RNF8: variants seen among roughly 807,000 people sequenced by gnomAD.
RNF8 encodes the protein E3 ubiquitin-protein ligase RNF8.
In RNF8, 8 loss-of-function variants were observed where a neutral mutation model predicts 59.3. The observed-to-expected ratio is 0.13, with a 90% CI of 0.08 to 0.24. The LOEUF (loss-of-function observed/expected upper bound fraction) is 0.24, where lower values mean the gene tolerates loss of function less well. RNF8 is among the 10% of genes least tolerant of loss of function. RNF8 has a pLI of 1.00. For missense variants in RNF8, 406 were observed against 572.6 expected (o/e 0.71, Z 2.97); for synonymous variants, 162 against 200.0 (o/e 0.81, Z 1.60).
In RNF8 at chr6:37,390,917, C is replaced by T; in HGVS notation, c.*159C>T. ...AGGAAGCCCTCAGTCACTTGCCTTC[C>T]ACGGTGGCCAGCCCTGCTGCCATCA... is the stretch of plus-strand genomic sequence containing the variant. On this transcript the variant is annotated 3_prime_UTR_variant, in exon 8 of 8. Transcript: ENST00000373479. The T allele has an allele frequency of 8.1e-7, 1 of 1,239,204 alleles. No individual in the cohort carries two copies. The highest frequency in any genetic ancestry group is 1.2e-6 in the Non-Finnish European group (1 of 844,152). The allele number at this position is 1,239,204 out of a possible 1,614,324, so 76.8% of individuals were successfully genotyped here. A position where few individuals can be genotyped will look rare whatever the true frequency, so the allele number is the denominator to read the frequency against.
chr6:37,377,998 T>G (rs953174668), intron 6 of RNF8, among the ~76,000 whole-genome samples: 1 of 152,128 alleles, frequency 6.6e-6, no homozygotes, highest in Non-Finnish European at 1.5e-5. Context: ...CTATTCAGAC[T>G]CCTTTAAAAA....
intron 4 of RNF8, among the ~76,000 whole-genome samples, chr6:37,374,414 G>A (rs143075827): frequency 0.013 from 1,944 of 152,260 alleles, 25 homozygotes; most frequent in Non-Finnish European, 0.021. Context: ...TTTGGTGGCC[G>A]CCTTCCCTAA....
chr6:37,374,501 A>G lies in RNF8; in HGVS notation c.1039-119A>G, dbSNP rs550401732. 171 of 702,208 alleles carry G rather than the reference A, an allele frequency of 2.4e-4. 2 individuals are homozygous for G. The South Asian group carries it at 2.8e-3, about 11-fold the overall frequency. The allele number at this position is 702,208 out of a possible 1,614,324, so 43.5% of individuals were successfully genotyped here. ...TAAAGGTATTATTTTGAAATTGCCA[A>G]TTTATCGATCCCTGAACCACAAAGT... On this transcript the variant is annotated intron_variant, in intron 4 of 7. Transcript: ENST00000373479.
In RNF8 at chr6:37,355,960, A is replaced by C. The variant is rs573154748; in HGVS notation, c.111+1685A>C. On this transcript the variant is annotated intron_variant, in intron 1 of 7. Coordinates refer to ENST00000373479, the MANE Select transcript of RNF8 (RefSeq NM_003958.4). ...TTAATCTGATCCCTGCATACACACAACCTCATAAGATAACTCAGTGGGCAA... is the reference window on the plus strand; with the variant it reads ...TTAATCTGATCCCTGCATACACACACCCTCATAAGATAACTCAGTGGGCAA... Among the ~76,000 whole-genome samples the C allele has an allele frequency of 2.0e-5, 3 of 152,298 alleles. No homozygotes were observed. In the South Asian group the frequency reaches 6.2e-4, roughly 32 times the overall value.
At chr6:37,368,408 A>G in intron 2 of RNF8, 76 bp from the exon 3 acceptor site, 4 of 1,612,718 alleles carry the variant, frequency 2.5e-6, no homozygotes, top group Non-Finnish European at 3.4e-6. Flanking sequence ...AGAAGATTTT[A>G]CAGCAGCAGG....
chr6:37,366,306 C>G (rs1769550760), intron 2 of RNF8, among the ~76,000 whole-genome samples: 2 of 152,128 alleles, frequency 1.3e-5, no homozygotes, highest in Non-Finnish European at 2.9e-5. Flanking sequence ...ACTACTTTTT[C>G]TGAGACCTTT....
At chr6:37,386,996 A>G (rs1581700126) in intron 7 of RNF8, among the ~76,000 whole-genome samples, 1 of 152,216 alleles carries the variant, frequency 6.6e-6, no homozygotes, top group East Asian at 1.9e-4. Context: ...ATTGTAGGAG[A>G]CTACCTGTGC....
In RNF8 at chr6:37,392,983, G is replaced by A. The variant is rs1008438404; in HGVS notation, c.*2225G>A. On this transcript the variant is annotated 3_prime_UTR_variant, in exon 8 of 8. Coordinates refer to ENST00000373479, the MANE Select transcript of RNF8 (RefSeq NM_003958.4). The stretch of plus-strand genomic sequence containing the variant: ...AGAGACATCTTGACTTGAGCCTGAA[G>A]ACTATGTACAGAGACTGACCTCACA... The A allele has an allele frequency of 5.0e-6, 1 of 198,074 alleles. No individual in the cohort carries two copies. Among genetic ancestry groups the A allele is most frequent in the Non-Finnish European group, 1.0e-5 (1 of 99,312 alleles). The allele number at this position is 198,074 out of a possible 1,614,324, so 12.3% of individuals were successfully genotyped here.
At chr6:37,362,576 C>G (rs183654304) in intron 2 of RNF8, among the ~76,000 whole-genome samples, 3 of 152,144 alleles carry the variant, frequency 2.0e-5, no homozygotes, top group Non-Finnish European at 4.4e-5. Context: ...ACAAGTAAAT[C>G]CCCCCTGCCC....
At chr6:37,358,503 G>A (rs1292109277) in intron 1 of RNF8, among the ~76,000 whole-genome samples, 1 of 152,152 alleles carries the variant, frequency 6.6e-6, no homozygotes, top group African/African-American at 2.4e-5. Context: ...TTGAATTATA[G>A]CCCATATAAT....
chr6:37,390,729 T>G lies in RNF8; in HGVS notation c.1442-13T>G, dbSNP rs367587222. 3.2e-5 allele frequency: 51 copies of G among 1,602,688 alleles called. No individual in the cohort carries two copies. Among genetic ancestry groups the G allele is most frequent in the Non-Finnish European group, 4.2e-5 (49 of 1,170,306 alleles). ...GCTCCTCATTTATTTATTTCTCTTCTTTTTCTCCAAAGCAAAGAGATTGTT... is the reference window on the plus strand; with the variant it reads ...GCTCCTCATTTATTTATTTCTCTTCGTTTTCTCCAAAGCAAAGAGATTGTT... On this transcript the variant is annotated splice_polypyrimidine_tract_variant and intron_variant, in intron 7 of 7. Transcript: ENST00000373479.
chr6:37,390,476 T>C (rs1340128270), intron 7 of RNF8, among the ~76,000 whole-genome samples: 1 of 151,936 alleles, frequency 6.6e-6, no homozygotes, highest in Non-Finnish European at 1.5e-5. Flanking sequence ...GAGTGAGCGC[T>C]GGGGAGTGGG....
chr6:37,383,110 C>A (rs1770345922), intron 7 of RNF8, among the ~76,000 whole-genome samples: 1 of 152,214 alleles, frequency 6.6e-6, no homozygotes, highest in Admixed American at 6.5e-5. Context: ...GGGTGTCTCT[C>A]ACTTTTTTGG....
intron 5 of RNF8, among the ~76,000 whole-genome samples, chr6:37,375,693 G>T (rs1189192245): frequency 6.6e-6 from 1 of 152,214 alleles, no homozygotes; most frequent in Non-Finnish European, 1.5e-5. Context: ...ACTATGGTTA[G>T]AAATGGGTCC....
At position 37,360,880 on chromosome 6, in the gene RNF8, C is replaced by T. The variant is rs1457060521; in HGVS notation, c.240+306C>T. 2.6e-5 allele frequency among the ~76,000 whole-genome samples: 4 copies of T among 152,016 alleles called. No homozygotes were observed. The highest frequency in any genetic ancestry group is 4.4e-5 in the Non-Finnish European group (3 of 68,012). On this transcript the variant is annotated intron_variant, in intron 2 of 7. Coordinates refer to ENST00000373479, the MANE Select transcript of RNF8 (RefSeq NM_003958.4). This position sits in a 1 kb window ranked among gnomAD's most constrained non-coding sequence, Gnocchi z 4.2. Reference sequence around the variant, plus strand: ...AATAAGCCTGTTTGAGGTGAAGCTCCCAGAGACCCTGGGAATCTGCAGAAT... The same window carrying T: ...AATAAGCCTGTTTGAGGTGAAGCTCTCAGAGACCCTGGGAATCTGCAGAAT...
At chr6:37,383,452 C>G (rs1444557389) in intron 7 of RNF8, among the ~76,000 whole-genome samples, 1 of 152,190 alleles carries the variant, frequency 6.6e-6, no homozygotes, top group South Asian at 2.1e-4. Flanking sequence ...GATTGGCAAG[C>G]CTGTAATTGT....
At position 37,360,487 on chromosome 6, in the gene RNF8, A is replaced by C. The variant is rs148771148; in HGVS notation, c.153A>C (p.Val51=). ...GATTTGGTGTCACATACCAACTGGT[A>C]TCAAAAATCTGCCCCCTGATGATTT... ...GRGFGVTYQL[V]SKICPLMISR... Residue 51 remains valine (V), a synonymous_variant, in exon 2 of 8, where the codon GTA becomes GTC. Coordinates refer to ENST00000373479, the MANE Select transcript of RNF8 (RefSeq NM_003958.4). The surrounding 1 kb of genome is among the most constrained non-coding windows in gnomAD (Gnocchi z 4.2). The C allele has an allele frequency of 6.2e-7, 1 of 1,614,104 alleles. No homozygotes were observed. The highest frequency in any genetic ancestry group is 1.7e-5 in the Admixed American group (1 of 60,024).
At chr6:37,354,457 G>C (rs910202340) in intron 1 of RNF8, among the ~76,000 whole-genome samples, 182 bp downstream of exon 1, 2 of 151,856 alleles carry the variant, frequency 1.3e-5, no homozygotes, top group African/African-American at 4.8e-5. Context: ...AAGCGGTTCT[G>C]GCGCGAGCGG....
intron 1 of RNF8, among the ~76,000 whole-genome samples, chr6:37,355,733 G>A (rs536709519): frequency 1.1e-3 from 173 of 152,214 alleles, no homozygotes; most frequent in African/African-American, 3.9e-3. Context: ...TTCTATCCAG[G>A]TATTAGTGCC....
Sources: allele counts gnomAD v4.1 joint callset (sites outside exome capture counted in the v4.1 genomes callset), GRCh38; gene constraint gnomAD v4.1.1; non-coding constraint Gnocchi (gnomAD v3.1); transcripts MANE v1.5; gene names NCBI Gene and HGNC (gene_info 2026-07-23, HGNC 2026-07-21).